Variants in KCNH8 observed in about 807,000 individuals in gnomAD.
KCNH8 encodes the protein voltage-gated delayed rectifier potassium channel KCNH8.
KCNH8 carries 70 observed loss-of-function variants against 103.6 expected under a neutral mutation model. That is an observed-to-expected ratio of 0.68 (90% CI 0.56 to 0.82). The LOEUF (loss-of-function observed/expected upper bound fraction) is 0.82, where lower values mean the gene tolerates loss of function less well. Among genes scored for constraint, KCNH8 ranks in the 40% least tolerant of loss-of-function variants. The pLI, the probability that KCNH8 is intolerant of heterozygous loss-of-function variation, is 0.00. For synonymous variants in KCNH8, 498 were observed against 489.4 expected (o/e 1.02, Z -0.23); for missense variants, 1,217 against 1,329.9 (o/e 0.92, Z 1.32).
At chr3:19,469,233 T>C (rs1041587264) in intron 11 of KCNH8, among the ~76,000 whole-genome samples, 2 of 152,198 alleles carry the variant, frequency 1.3e-5, no homozygotes, top group Non-Finnish European at 2.9e-5. Context: ...TTCCTTGTTA[T>C]CTCAGGCCCA....
chr3:19,485,001 C>T (rs1277757019), intron 11 of KCNH8, among the ~76,000 whole-genome samples: 1 of 152,086 alleles, frequency 6.6e-6, no homozygotes, highest in Admixed American at 6.6e-5. Context: ...CTATTTTAAT[C>T]CTGTTTTCTG....
chr3:19,221,298 T>G (rs2063871347), intron 1 of KCNH8, among the ~76,000 whole-genome samples: 3 of 152,208 alleles, frequency 2.0e-5, no homozygotes, highest in South Asian at 2.1e-4. Flanking sequence ...GGGCAGGGCC[T>G]GAGATTTTGC....
chr3:19,323,448 C>CA (rs895368711), intron 3 of KCNH8, among the ~76,000 whole-genome samples: 30 of 149,674 alleles, frequency 2.0e-4, no homozygotes, highest in Non-Finnish European at 3.6e-4. Flanking sequence ...GACTGTGTCT[C>CA]AAAAAAAAAT....
chr3:19,388,704 T>C (rs141943788), intron 5 of KCNH8, among the ~76,000 whole-genome samples: 1 of 152,276 alleles, frequency 6.6e-6, no homozygotes, highest in East Asian at 1.9e-4. Context: ...ACAATTGTTT[T>C]CTTTTTGGGT....
At chr3:19,514,039 A>G (rs2125243373) in intron 13 of KCNH8, among the ~76,000 whole-genome samples, 1 of 152,202 alleles carries the variant, frequency 6.6e-6, no homozygotes, top group Middle Eastern at 3.4e-3. Flanking sequence ...TTTGCGAGAT[A>G]ATTTCACATT....
intron 12 of KCNH8, among the ~76,000 whole-genome samples, chr3:19,512,312 G>A (rs139026833): frequency 5.3e-5 from 8 of 152,266 alleles, no homozygotes; most frequent in African/African-American, 1.7e-4. Context: ...AGTAGTTACA[G>A]GATGGGTTTT....
chr3:19,333,476 AGAC>A (rs1429952938), intron 3 of KCNH8, among the ~76,000 whole-genome samples: 12 of 152,172 alleles, frequency 7.9e-5, no homozygotes, highest in Non-Finnish European at 1.3e-4. Context: ...AAATTTCTGC[AGAC>A]AACACTTCCC....
At chr3:19,512,892 T>A in intron 12 of KCNH8, 78 bp from the exon 13 acceptor site, 1 of 1,261,882 alleles carries the variant, frequency 7.9e-7, no homozygotes, top group African/African-American at 1.5e-5. Flanking sequence ...TTTGTTCTAA[T>A]GAGACCTCCA....
chr3:19,465,623 G>C (rs567445573), intron 11 of KCNH8, among the ~76,000 whole-genome samples: 68 of 151,874 alleles, frequency 4.5e-4, no homozygotes, highest in Middle Eastern at 3.4e-3. Flanking sequence ...CATAGATAGT[G>C]ATTTCTTTGA....
At chr3:19,379,394 C>T (rs796694337) in intron 5 of KCNH8, among the ~76,000 whole-genome samples, 28 of 152,282 alleles carry the variant, frequency 1.8e-4, no homozygotes, top group Admixed American at 6.5e-4. Flanking sequence ...GTAATCCCAG[C>T]ACTTTGGGAG....
Position 19,364,584 on chromosome 3 carries a change from A to G in KCNH8, c.811+16619A>G, listed in dbSNP as rs542857383. On this transcript the variant is annotated intron_variant, in intron 5 of 15. Transcript: ENST00000328405. ...CTGCGTATATAGCAATAATTATACA[A>G]AAAACAGAAAACTACACTACCACTT... is the stretch of plus-strand genomic sequence containing the variant. 2.0e-5 allele frequency among the ~76,000 whole-genome samples: 3 copies of G among 152,252 alleles called. No homozygotes were observed. The East Asian group carries it at 5.8e-4, about 29-fold the overall frequency.
intron 2 of KCNH8, among the ~76,000 whole-genome samples, chr3:19,276,781 A>C (rs1166244148): frequency 6.6e-6 from 1 of 152,204 alleles, no homozygotes; most frequent in Admixed American, 6.5e-5. Flanking sequence ...TACAGCTACT[A>C]TGAAGAAAAG....
intron 1 of KCNH8, among the ~76,000 whole-genome samples, chr3:19,217,062 G>A (rs1330571843): frequency 1.3e-5 from 2 of 152,178 alleles, no homozygotes; most frequent in South Asian, 2.1e-4. Flanking sequence ...TGCACCTCGT[G>A]AGGTTATTGT....
chr3:19,471,035 G>A (rs1156465621), intron 11 of KCNH8, among the ~76,000 whole-genome samples: 4 of 152,050 alleles, frequency 2.6e-5, no homozygotes, highest in African/African-American at 7.2e-5. Flanking sequence ...TTCAACTTAC[G>A]TTTGCAAGTT....
At position 19,535,404 on chromosome 3, in the gene KCNH8, G is replaced by T. The variant is rs1201726199; in HGVS notation, c.*1305G>T. On this transcript the variant is annotated 3_prime_UTR_variant, in exon 16 of 16. Coordinates refer to ENST00000328405, the MANE Select transcript of KCNH8 (RefSeq NM_144633.3). ...TCAGAGATTACACAGTTAGGATGCT[G>T]ACACAGTCTAGAATCCATAATGCTC... 6.6e-6 allele frequency: 1 copy of T among 152,160 alleles called. No individual in the cohort carries two copies. Among genetic ancestry groups the T allele is most frequent in the African/African-American group, 2.4e-5 (1 of 41,430 alleles). The allele number at this position is 152,160 out of a possible 1,614,324, so 9.4% of individuals were successfully genotyped here.
At chr3:19,384,402 T>C (rs2066328488) in intron 5 of KCNH8, among the ~76,000 whole-genome samples, 1 of 152,224 alleles carries the variant, frequency 6.6e-6, no homozygotes, top group African/African-American at 2.4e-5. Context: ...CTTAAGTATA[T>C]TGAAAAGCTG....
chr3:19,486,887 C>A (rs1030273171), intron 11 of KCNH8, among the ~76,000 whole-genome samples: 4 of 152,184 alleles, frequency 2.6e-5, no homozygotes, highest in Non-Finnish European at 5.9e-5. Flanking sequence ...GCTGCGCTCC[C>A]CTTTCCGAAT....
chr3:19,197,598 T>C (rs2063614682), intron 1 of KCNH8, among the ~76,000 whole-genome samples: 1 of 151,870 alleles, frequency 6.6e-6, no homozygotes, highest in African/African-American at 2.4e-5. Context: ...ACTTCCTGGC[T>C]TCAAATCCCA....
intron 5 of KCNH8, among the ~76,000 whole-genome samples, chr3:19,385,970 CAAGT>C (rs1193216814): frequency 1.4e-4 from 22 of 152,130 alleles, no homozygotes; most frequent in South Asian, 2.1e-4. Flanking sequence ...TACTTTTTAA[CAAGT>C]AAGCCAATAT....
Sources: gnomAD v4.1 joint callset for allele counts (sites outside exome capture counted in the v4.1 genomes callset) on GRCh38, gnomAD v4.1.1 for gene constraint, MANE v1.5 for transcripts, NCBI Gene and HGNC (gene_info 2026-07-23, HGNC 2026-07-21) for gene names.